The following RPAP1 variants were observed in gnomAD, a reference collection of about 807,000 sequenced individuals.
RPAP1 encodes RNA polymerase II-associated protein 1.
In RPAP1, 109 loss-of-function variants were observed where a neutral mutation model predicts 142.4. That is an observed-to-expected ratio of 0.77 (90% CI 0.66 to 0.90). The LOEUF (loss-of-function observed/expected upper bound fraction) is 0.90, where lower values mean the gene tolerates loss of function less well. Ranked by LOEUF, RPAP1 falls within the 40% of genes least tolerant of loss-of-function variation. The pLI, the probability that RPAP1 is intolerant of heterozygous loss-of-function variation, is 0.00. For missense variants in RPAP1, 1,546 were observed against 1,751.7 expected (o/e 0.88, Z 2.10); for synonymous variants, 704 against 738.9 (o/e 0.95, Z 0.77).
At chr15:41,534,678 T>C (rs1294531905) in intron 6 of RPAP1, 36 bp downstream of exon 6, 5 of 1,425,980 alleles carry the variant, frequency 3.5e-6, no homozygotes, top group Non-Finnish European at 4.8e-6. Context: ...ATTCCTCTCC[T>C]AGCCTGGTCT....
At chr15:41,532,162 C>T (rs1171042386) in intron 6 of RPAP1, among the ~76,000 whole-genome samples, 1 of 151,798 alleles carries the variant, frequency 6.6e-6, no homozygotes, top group East Asian at 1.9e-4. Flanking sequence ...GCTGGGACTA[C>T]AGGCGTGTGC....
rs2051921342 is a variant in RPAP1, at chr15:41,537,197, C to T, written c.-72G>A. 6.8e-7 allele frequency: 1 copy of T among 1,466,516 alleles called. No homozygotes were observed. The highest frequency in any genetic ancestry group is 2.2e-5 in the Admixed American group (1 of 46,118). The allele number at this position is 1,466,516 out of a possible 1,614,324, so 90.8% of individuals were successfully genotyped here. ...CTCCGTGTGGGGGTTCCCTCTTATT[C>T]ATCCCTAAGAGCAAGAAAGAATATG... On this transcript the variant is annotated 5_prime_UTR_variant, in exon 2 of 25. The change abolishes an upstream ATG in the 5' untranslated region. Coordinates refer to ENST00000304330, the MANE Select transcript of RPAP1 (RefSeq NM_015540.4).
Position 41,534,768 on chromosome 15 carries a change from C to T in RPAP1, c.709G>A (p.Ala237Thr), listed in dbSNP as rs1381989955. Residue 237 changes from alanine (A) to threonine (T), a missense_variant, in exon 6 of 25, where the codon GCC becomes ACC. By Grantham distance (58) the Ala-to-Thr change is moderately conservative (BLOSUM62 0). Around this residue, in one of 3 missense-constraint regions of RPAP1, gnomAD observed 1,333 missense variants for 1,486.6 expected, o/e 0.90. Transcript: ENST00000304330. Reference sequence around the variant, plus strand: ...TGCAGGATCTCCTCAGGAGCCATGGCCTGCAGTCTTGCTATGTTCTCTTCA... The same window carrying T: ...TGCAGGATCTCCTCAGGAGCCATGGTCTGCAGTCTTGCTATGTTCTCTTCA... Reference protein sequence around the residue: ...IHEENIARLQAMAPEEILQEQ... With the variant: ...IHEENIARLQTMAPEEILQEQ... The T allele has an allele frequency of 1.2e-6, 2 of 1,613,926 alleles. No homozygotes were observed. Among genetic ancestry groups the T allele is most frequent in the African/African-American group, 1.3e-5 (1 of 74,890 alleles).
intron 15 of RPAP1, among the ~76,000 whole-genome samples, chr15:41,524,648 G>A (rs2051770170): frequency 6.6e-6 from 1 of 151,866 alleles, no homozygotes; most frequent in Non-Finnish European, 1.5e-5. Context: ...GCTAATTTTT[G>A]TATTTTTAAT....
At chr15:41,529,642 C>A in intron 8 of RPAP1, 74 bp from the exon 9 acceptor site, 1 of 1,147,142 alleles carries the variant, frequency 8.7e-7, no homozygotes, top group Non-Finnish European at 1.3e-6. Context: ...CACCTTTAAT[C>A]CCAGGCCTTT....
At chr15:41,531,591 G>GCA (rs542148991) in intron 6 of RPAP1, among the ~76,000 whole-genome samples, 1,708 of 125,772 alleles carry the variant, frequency 0.014, 42 homozygotes, top group East Asian at 0.073. Flanking sequence ...ATTTATTTAT[G>GCA]CACACACACA....
intron 1 of RPAP1, among the ~76,000 whole-genome samples, chr15:41,537,492 T>TG (rs988696607): frequency 2.0e-5 from 3 of 152,028 alleles, no homozygotes; most frequent in Admixed American, 6.6e-5. Context: ...GTTGTCATAA[T>TG]GGGGGGGTGA....
intron 9 of RPAP1, among the ~76,000 whole-genome samples, chr15:41,528,568 G>C (rs1211052548): frequency 6.6e-6 from 1 of 152,238 alleles, no homozygotes; most frequent in Admixed American, 6.5e-5. Flanking sequence ...AGGAGAGAGA[G>C]AGAAGGGAAC....
intron 2 of RPAP1, 58 bp from the exon 3 acceptor site, chr15:41,536,707 C>A (rs967403499): frequency 1.3e-5 from 20 of 1,581,734 alleles, no homozygotes; most frequent in African/African-American, 4.0e-5. Flanking sequence ...GAAGACACTG[C>A]AGGCTAGGGA....
intron 2 of RPAP1, 74 bp downstream of exon 2, chr15:41,536,871 A>G: frequency 1.3e-6 from 2 of 1,535,888 alleles, no homozygotes; most frequent in South Asian, 1.2e-5. Context: ...TCTGAATCCA[A>G]CCACAACAGG....
At chr15:41,531,851 G>C (rs538176676) in intron 6 of RPAP1, among the ~76,000 whole-genome samples, 18 of 150,168 alleles carry the variant, frequency 1.2e-4, no homozygotes, top group African/African-American at 4.4e-4. Flanking sequence ...ATGTTGCTCA[G>C]GCTGTAAATA....
chr15:41,518,197 A>G lies in RPAP1; in HGVS notation c.3796-15T>C, dbSNP rs915265255. On this transcript the variant is annotated splice_polypyrimidine_tract_variant and intron_variant, in intron 22 of 24. Transcript: ENST00000304330. ...GACACAGGCAACTGTGACAGGGGAA[A>G]TGACGTGCTGAGGGGGAGGGTAGGA... The G allele has an allele frequency of 6.4e-7, 1 of 1,553,036 alleles. No homozygotes were observed. Among genetic ancestry groups the G allele is most frequent in the Non-Finnish European group, 8.7e-7 (1 of 1,154,428 alleles).
chr15:41,539,285 T>TTTTTTG (rs1254617761), intron 1 of RPAP1, among the ~76,000 whole-genome samples: 6 of 148,542 alleles, frequency 4.0e-5, no homozygotes, highest in Admixed American at 4.0e-4. Context: ...TTTTGTTTTT[T>TTTTTTG]TTTTTGTTTT....
At position 41,525,161 on chromosome 15, in the gene RPAP1, A is replaced by C; in HGVS notation, c.1918-13T>G. On this transcript the variant is annotated splice_polypyrimidine_tract_variant and intron_variant, in intron 14 of 24. Transcript: ENST00000304330. Reference sequence around the variant, plus strand: ...CAAAGCTGCTCAACTGGAAATGGGCACAGTCTGAGGATCAGGGTCAGCTGT... The same window carrying C: ...CAAAGCTGCTCAACTGGAAATGGGCCCAGTCTGAGGATCAGGGTCAGCTGT... 1.3e-6 allele frequency: 2 copies of C among 1,599,388 alleles called. No homozygotes were observed. The highest frequency in any genetic ancestry group is 2.3e-5 in the South Asian group (2 of 87,962).
intron 15 of RPAP1, among the ~76,000 whole-genome samples, chr15:41,524,507 G>A (rs1310511812): frequency 8.5e-6 from 1 of 117,186 alleles, no homozygotes; most frequent in African/African-American, 3.5e-5. Context: ...ATTCTCTGTT[G>A]CCCAGGCTGG....
intron 1 of RPAP1, among the ~76,000 whole-genome samples, chr15:41,542,551 A>G (rs559312090): frequency 6.6e-6 from 1 of 152,366 alleles, no homozygotes; most frequent in East Asian, 1.9e-4. Flanking sequence ...TATTTGTAGC[A>G]TGACAACAGC....
intron 6 of RPAP1, among the ~76,000 whole-genome samples, chr15:41,531,406 TG>T (rs147914340): frequency 6.6e-6 from 1 of 151,900 alleles, no homozygotes; most frequent in East Asian, 1.9e-4. Flanking sequence ...TAGGCCCACC[TG>T]CCCACCTGCC....
In RPAP1 at chr15:41,520,421, GGCTCCCACGT is replaced by G; in HGVS notation, c.3755_3764del (p.His1252ProfsTer5). The G allele has an allele frequency of 6.2e-7, 1 of 1,613,564 alleles. No homozygotes were observed. The highest frequency in any genetic ancestry group is 8.5e-7 in the Non-Finnish European group (1 of 1,179,632). ...TCAGAGGCAGGCTCAGAGCTCGCAA[GGCTCCCACGT>G]GTTCCCCAAAGAGGGCAAGGCGCAA... On this transcript the variant is annotated frameshift_variant, in exon 22 of 25. Transcript: ENST00000304330. LOFTEE classifies it high-confidence loss of function.
At position 41,534,838 on chromosome 15, in the gene RPAP1, C is replaced by T. The variant is rs1429568661; in HGVS notation, c.639G>A (p.Lys213=). Residue 213 remains lysine, a synonymous_variant, in exon 6 of 25, where the codon AAG becomes AAA. Transcript: ENST00000304330. The part of the protein sequence containing the change: ...SFQGPNLVTG[K]GLRDQEAEQE... Reference sequence around the variant, plus strand: ...GCTCAGCTTCTTGATCCCTGAGCCCCTTCCCTGTGACCAGATTGGGTCCCT... The same window carrying T: ...GCTCAGCTTCTTGATCCCTGAGCCCTTTCCCTGTGACCAGATTGGGTCCCT... The T allele has an allele frequency of 1.2e-6, 2 of 1,614,194 alleles. No individual in the cohort carries two copies. Among genetic ancestry groups the T allele is most frequent in the East Asian group, 2.2e-5 (1 of 44,880 alleles).
Sources: allele counts gnomAD v4.1 joint callset (sites outside exome capture counted in the v4.1 genomes callset), GRCh38; gene constraint gnomAD v4.1.1; regional missense constraint gnomAD v4.1.1; transcripts MANE v1.5; gene names NCBI Gene and HGNC (gene_info 2026-07-23, HGNC 2026-07-21).